GALNS: variants seen among roughly 807,000 people sequenced by gnomAD.
The protein encoded by GALNS is N-acetylgalactosamine-6-sulfatase.
GALNS carries 65 observed loss-of-function variants against 65.9 expected under a neutral mutation model. The ratio of observed to expected loss-of-function variants is 0.99; its 90% CI spans 0.81 to 1.21. The LOEUF (loss-of-function observed/expected upper bound fraction) is 1.21. Ranked by LOEUF, GALNS falls within the 50% of genes most tolerant of loss-of-function variation. The probability of loss-of-function intolerance (pLI) is 0.00; values close to 1 mark genes in which losing one functional copy is unlikely to be tolerated. For missense variants in GALNS, 776 were observed against 700.7 expected, an observed-to-expected ratio of 1.11 and a Z score of -1.21; for synonymous variants, 346 against 288.9, an observed-to-expected ratio of 1.20 and a Z score of -2.00.
Position 88,815,065 on chromosome 16 carries a change from C to G in GALNS, c.1483-540G>C, listed in dbSNP as rs1001231054. 5.8e-6 allele frequency: 5 copies of G among 865,672 alleles called. No individual in the cohort carries two copies. In the African/African-American group the frequency reaches 2.2e-4, roughly 38 times the overall value. 53.6% of individuals were successfully genotyped at this position (865,672 alleles called of 1,614,324 possible). On this transcript the variant is annotated intron_variant, in intron 13 of 13. Coordinates refer to ENST00000268695, the MANE Select transcript of GALNS (RefSeq NM_000512.5). ...GTTTTGATGTGTCCCCTGCCCAGGT[C>G]AACCCCGGACCCCAACCAATTGGCC...
At position 88,847,747 on chromosome 16, in the gene GALNS, C is replaced by A. The variant is rs1967317114; in HGVS notation, c.121-4918G>T. ...AAAGTGAACTCACTGGAAACTGGAG[C>A]CCTCACACACCATGTAAGAACGTGA... On this transcript the variant is annotated intron_variant, in intron 1 of 13. Coordinates refer to ENST00000268695, the MANE Select transcript of GALNS (RefSeq NM_000512.5). Among the ~76,000 whole-genome samples, 5 of 152,254 alleles carry A rather than the reference C, an allele frequency of 3.3e-5. No individual in the cohort carries two copies. The South Asian group carries it at 1.0e-3, about 31-fold the overall frequency.
At chr16:88,826,871 C>T in intron 9 of GALNS, 33 bp from the exon 10 acceptor site, 1 of 1,555,740 alleles carries the variant, frequency 6.4e-7, no homozygotes, top group Non-Finnish European at 8.7e-7. Context: ...GGTCAGGGCA[C>T]TCTGCACCGA....
chr16:88,824,246 G>C (rs998705628), intron 11 of GALNS, among the ~76,000 whole-genome samples: 1 of 152,162 alleles, frequency 6.6e-6, no homozygotes, highest in Non-Finnish European at 1.5e-5. Context: ...GAGGGAGCAG[G>C]AGGCTTGAGG....
rs561761925 is a variant in GALNS, at chr16:88,846,865, C to G, written c.121-4036G>C. 2.0e-5 allele frequency among the ~76,000 whole-genome samples: 3 copies of G among 152,102 alleles called. No individual in the cohort carries two copies. In the South Asian group the frequency reaches 6.2e-4, roughly 32 times the overall value. On this transcript the variant is annotated intron_variant, in intron 1 of 13. Transcript: ENST00000268695. ...CCGTGTTTCTGTTCTTTTAAGCTCCCGACCCCCGTGTGTGGTCCCAGGAGG... is the reference window on the plus strand; with the variant it reads ...CCGTGTTTCTGTTCTTTTAAGCTCCGGACCCCCGTGTGTGGTCCCAGGAGG...
chr16:88,853,995 T>G (rs1183891882), intron 1 of GALNS, among the ~76,000 whole-genome samples: 1 of 152,188 alleles, frequency 6.6e-6, no homozygotes, highest in African/African-American at 2.4e-5. Flanking sequence ...TAAGCTAGTT[T>G]TGGGGACAAC....
chr16:88,827,917 C>T (rs1373216479), intron 9 of GALNS, among the ~76,000 whole-genome samples: 2 of 152,222 alleles, frequency 1.3e-5, no homozygotes, highest in African/African-American at 4.8e-5. Context: ...TCCCCACGGT[C>T]CAGGGGCACC....
chr16:88,855,617 T>C (rs1967790112), intron 1 of GALNS: 2 of 631,796 alleles, frequency 3.2e-6, no homozygotes, highest in Non-Finnish European at 2.8e-6. Context: ...GTGTCTGTTA[T>C]CTTTTCAAGT....
chr16:88,829,961 G>A (rs914158654), intron 9 of GALNS, among the ~76,000 whole-genome samples: 4 of 152,172 alleles, frequency 2.6e-5, no homozygotes, highest in Admixed American at 1.3e-4. Flanking sequence ...CGCCGGGCGC[G>A]GTGGCTCACG....
intron 1 of GALNS, chr16:88,843,426 C>G (rs1967082191): frequency 5.6e-6 from 2 of 357,936 alleles, no homozygotes; most frequent in Non-Finnish European, 1.1e-5. Flanking sequence ...GCAGGAGCAC[C>G]CTGAGCGCCC....
intron 1 of GALNS, among the ~76,000 whole-genome samples, chr16:88,847,677 G>A (rs149728394): frequency 1.7e-3 from 258 of 152,340 alleles, no homozygotes; most frequent in Non-Finnish European, 2.3e-3. Context: ...GAGTCTGATC[G>A]CTGATTGTCT....
At chr16:88,856,057 C>T in intron 1 of GALNS, 3 of 651,584 alleles carry the variant, frequency 4.6e-6, no homozygotes, top group East Asian at 2.7e-5. Flanking sequence ...GTGACCCATG[C>T]CCCAGGCAGG....
intron 13 of GALNS, chr16:88,815,510 CCTTG>C: frequency 6.1e-6 from 6 of 985,496 alleles, no homozygotes; most frequent in Non-Finnish European, 7.2e-6. Context: ...TTAGCGGAAG[CCTTG>C]CTTGATGGGA....
At chr16:88,842,497 C>G (rs947212221) in intron 2 of GALNS, 7 of 635,370 alleles carry the variant, frequency 1.1e-5, no homozygotes, top group Middle Eastern at 4.2e-4. Flanking sequence ...CAACTTCGAC[C>G]CTGAAAACCC....
At chr16:88,824,089 A>T (rs1239871953) in intron 11 of GALNS, among the ~76,000 whole-genome samples, 2 of 151,986 alleles carry the variant, frequency 1.3e-5, no homozygotes, top group Non-Finnish European at 2.9e-5. Context: ...ACACTAAATG[A>T]TTTTCTTCCC....
At chr16:88,856,513 C>G (rs1164658320) in intron 1 of GALNS, 1 of 697,932 alleles carries the variant, frequency 1.4e-6, no homozygotes, top group South Asian at 1.5e-5. Context: ...TGATCGGTGA[C>G]CGCCGAGACC....
In GALNS at chr16:88,841,922, G is replaced by A. The variant is rs1487568635; in HGVS notation, c.294C>T (p.Tyr98=). 2 of 1,613,550 alleles carry A rather than the reference G, an allele frequency of 1.2e-6. No homozygotes were observed. The highest frequency in any genetic ancestry group is 1.7e-6 in the Non-Finnish European group (2 of 1,179,798). The change falls in exon 3 of 14, where the codon TAC becomes TAT. Residue 98 remains tyrosine, a synonymous_variant. Coordinates refer to ENST00000268695, the MANE Select transcript of GALNS (RefSeq NM_000512.5). The part of the protein sequence containing the change: ...TGRLPIRNGF[Y]TTNAHARNAY... ...CGTTTCTGGCATGGGCGTTGGTGGT[G>A]TAGAAGCCATTGCGGATGGGTAGCC...
intron 1 of GALNS, chr16:88,854,987 C>T (rs1967718445): frequency 3.0e-6 from 1 of 337,800 alleles, no homozygotes; most frequent in Non-Finnish European, 5.8e-6. Context: ...TCACCCTCCC[C>T]CACATGTGCC....
intron 1 of GALNS, chr16:88,843,184 C>G: frequency 8.0e-6 from 11 of 1,367,428 alleles, no homozygotes; most frequent in Non-Finnish European, 1.1e-5. Context: ...AGGAGCTGGC[C>G]TCTAAACACG....
Position 88,824,852 on chromosome 16 carries a change from C to T in GALNS, c.1157G>A (p.Arg386His), listed in dbSNP as rs1221167717. Reference protein sequence around the residue: ...RLMDRPIFYYRGDTLMAATLG... With the variant: ...RLMDRPIFYYHGDTLMAATLG... ...GGTGGCCGCCATCAGCGTGTCGCCACGGTAATAGAAGATAGGCCTGTGGGA... is the reference window on the plus strand; with the variant it reads ...GGTGGCCGCCATCAGCGTGTCGCCATGGTAATAGAAGATAGGCCTGTGGGA... Residue 386 changes from arginine to histidine, a missense_variant, in exon 11 of 14, where the codon CGT (arginine) becomes CAT (histidine). By Grantham distance (29) the Arg-to-His change is conservative (BLOSUM62 0). Transcript: ENST00000268695. The T allele has an allele frequency of 1.1e-5, 17 of 1,613,092 alleles. No individual in the cohort carries two copies. The highest frequency in any genetic ancestry group is 1.4e-5 in the Non-Finnish European group (16 of 1,179,994).
Sources: gnomAD v4.1 joint callset for allele counts (sites outside exome capture counted in the v4.1 genomes callset) on GRCh38, gnomAD v4.1.1 for gene constraint, MANE v1.5 for transcripts, NCBI Gene and HGNC (gene_info 2026-07-23, HGNC 2026-07-21) for gene names.